LAG3: variants seen among roughly 807,000 people sequenced by gnomAD.
The protein encoded by LAG3 is lymphocyte activating 3.
A neutral mutation model predicts 49.0 loss-of-function variants in LAG3; 29 were observed. That is an observed-to-expected ratio of 0.59 (90% CI 0.44 to 0.81). The LOEUF (loss-of-function observed/expected upper bound fraction) is 0.81, where lower values mean the gene tolerates loss of function less well. LAG3 is among the 30% of genes least tolerant of loss of function. LAG3 has a pLI of 0.00. For missense variants in LAG3, 693 were observed against 695.2 expected, an observed-to-expected ratio of 1.00 and a Z score of 0.04; for synonymous variants, 320 against 297.3, an observed-to-expected ratio of 1.08 and a Z score of -0.79.
chr12:6,778,336 G>A lies in LAG3; in HGVS notation c.1524G>A (p.Pro508=), dbSNP rs925385268. The change falls in exon 8 of 8, where the codon CCG becomes CCA. Residue 508 remains proline (P), a synonymous_variant. Coordinates refer to ENST00000203629, the MANE Select transcript of LAG3 (RefSeq NM_002286.6). ...KIEELEQEPE[P]EPEPEPEPEP... Reference sequence around the variant, plus strand: ...AGGAGCTGGAGCAAGAACCGGAGCCGGAGCCGGAGCCGGAACCGGAGCCCG... The same window carrying A: ...AGGAGCTGGAGCAAGAACCGGAGCCAGAGCCGGAGCCGGAACCGGAGCCCG... 23 of 1,612,914 alleles carry A rather than the reference G, an allele frequency of 1.4e-5. No individual in the cohort carries two copies. Among genetic ancestry groups the A allele is most frequent in the Middle Eastern group, 1.6e-4 (1 of 6,076 alleles).
rs765598885 is a variant in LAG3 at position 6,773,144 on chromosome 12, CCT to C, written c.59-44_59-43del. The C allele has an allele frequency of 6.4e-7, 1 of 1,569,192 alleles. No homozygotes were observed. Among genetic ancestry groups the C allele is most frequent in the Non-Finnish European group, 8.6e-7 (1 of 1,160,090 alleles). ...CACCCAGGCTCCTTCTCTACCCCTG[CCT>C]CTCGGCTCACGCCCCCTCCCCTTGG... On this transcript the variant is annotated intron_variant, in intron 1 of 7. Transcript: ENST00000203629. This position sits in a 1 kb window ranked among gnomAD's most constrained non-coding sequence, Gnocchi z 5.5.
At position 6,778,325 on chromosome 12, in the gene LAG3, G is replaced by A. The variant is rs1941931611; in HGVS notation, c.1513G>A (p.Glu505Lys). The change falls in exon 8 of 8, where the codon GAA (glutamate) becomes AAA (lysine). Residue 505 changes from glutamate to lysine, a missense_variant. Physicochemically the swap from Glu to Lys is moderately conservative, Grantham distance 56. Transcript: ENST00000203629. The part of the protein sequence containing the change: ...AQSKIEELEQ[E>K]PEPEPEPEPE... ...GAGCAAGATAGAGGAGCTGGAGCAAGAACCGGAGCCGGAGCCGGAGCCGGA... is the reference window on the plus strand; with the variant it reads ...GAGCAAGATAGAGGAGCTGGAGCAAAAACCGGAGCCGGAGCCGGAGCCGGA... 6.2e-7 allele frequency: 1 copy of A among 1,613,422 alleles called. No individual in the cohort carries two copies. Among genetic ancestry groups the A allele is most frequent in the Admixed American group, 1.7e-5 (1 of 59,980 alleles).
At chr12:6,778,166 C>T (rs2137811838) in intron 7 of LAG3, 78 bp from the exon 8 acceptor site, 3 of 1,414,300 alleles carry the variant, frequency 2.1e-6, no homozygotes, top group East Asian at 2.5e-5. Context: ...TAGAGGGACT[C>T]AGTGTCCCTC....
At chr12:6,774,288 A>T (rs1592495879) in intron 3 of LAG3, among the ~76,000 whole-genome samples, 1 of 151,942 alleles carries the variant, frequency 6.6e-6, no homozygotes, top group Non-Finnish European at 1.5e-5. Flanking sequence ...GGCTAAAGTG[A>T]TTCATTTCAG....
At chr12:6,776,593 C>T (rs976684082) in intron 5 of LAG3, among the ~76,000 whole-genome samples, 13 of 152,188 alleles carry the variant, frequency 8.5e-5, no homozygotes, top group South Asian at 2.1e-4. Flanking sequence ...TCTCCTCCCA[C>T]CCACCCATCT....
In LAG3 at chr12:6,773,156, C is replaced by G. The variant is rs372422059; in HGVS notation, c.59-36C>G. 6.3e-7 allele frequency: 1 copy of G among 1,584,190 alleles called. No individual in the cohort carries two copies. Among genetic ancestry groups the G allele is most frequent in the Non-Finnish European group, 8.6e-7 (1 of 1,167,350 alleles). On this transcript the variant is annotated intron_variant, in intron 1 of 7. Transcript: ENST00000203629. The surrounding 1 kb of genome is among the most constrained non-coding windows in gnomAD (Gnocchi z 5.5). ...TTCTCTACCCCTGCCTCTCGGCTCA[C>G]GCCCCCTCCCCTTGGCCTCTCTTTT...
rs1941865986 is a variant in LAG3, at chr12:6,773,423, G to GA, written c.206+85dup. ...GTGCCGGTCCTCTGTCCCCTGCCCT[G>GA]AGGTGTCACTCCCTCTGAAGCCAGT... On this transcript the variant is annotated intron_variant, in intron 2 of 7. Transcript: ENST00000203629. This position sits in a 1 kb window ranked among gnomAD's most constrained non-coding sequence, Gnocchi z 5.5. The GA allele has an allele frequency of 6.6e-7, 1 of 1,505,138 alleles. No homozygotes were observed. 93.2% of individuals were successfully genotyped at this position (1,505,138 alleles called of 1,614,324 possible). A position where few individuals can be genotyped will look rare whatever the true frequency, so the allele number is the denominator to read the frequency against.
At position 6,773,568 on chromosome 12, in the gene LAG3, C is replaced by T; in HGVS notation, c.207-129C>T. 8.4e-7 allele frequency: 1 copy of T among 1,190,492 alleles called. No homozygotes were observed. Among genetic ancestry groups the T allele is most frequent in the Non-Finnish European group, 1.1e-6 (1 of 908,688 alleles). 73.7% of individuals were successfully genotyped at this position (1,190,492 alleles called of 1,614,324 possible). A position where few individuals can be genotyped will look rare whatever the true frequency, so the allele number is the denominator to read the frequency against. ...CGGCCAGTCCAACAGAGGGGTCGGG[C>T]GTGAGGGGACGGTTGGTGGTCAAGA... On this transcript the variant is annotated intron_variant, in intron 2 of 7. Transcript: ENST00000203629. This position sits in a 1 kb window ranked among gnomAD's most constrained non-coding sequence, Gnocchi z 5.5.
chr12:6,774,843 A>G lies in LAG3; in HGVS notation c.760A>G (p.Met254Val), dbSNP rs1941887819. The stretch of plus-strand genomic sequence containing the variant: ...CAGAGATGGCTTCAACGTCTCCATC[A>G]TGTATAACCTCACTGTTCTGGGTAA... ...TYRDGFNVSIMYNLTVLGLEP... is the reference protein window; with the variant it reads ...TYRDGFNVSIVYNLTVLGLEP... The change falls in exon 4 of 8, where the codon ATG (methionine) becomes GTG (valine). Residue 254 changes from methionine (M) to valine (V), a missense_variant. Coordinates refer to ENST00000203629, the MANE Select transcript of LAG3 (RefSeq NM_002286.6). The G allele has an allele frequency of 6.2e-7, 1 of 1,613,908 alleles. No individual in the cohort carries two copies. The highest frequency in any genetic ancestry group is 1.1e-5 in the South Asian group (1 of 91,084).
At position 6,773,901 on chromosome 12, in the gene LAG3, C is replaced by A; in HGVS notation, c.411C>A (p.Arg137=). 2 of 1,384,750 alleles carry A rather than the reference C, an allele frequency of 1.4e-6. No individual in the cohort carries two copies. The highest frequency in any genetic ancestry group is 1.6e-5 in the South Asian group (1 of 62,054). 85.8% of individuals were successfully genotyped at this position (1,384,750 alleles called of 1,614,324 possible). A position where few individuals can be genotyped will look rare whatever the true frequency, so the allele number is the denominator to read the frequency against. Residue 137 remains arginine (R), a synonymous_variant, in exon 3 of 8, where the codon CGC becomes CGA. Coordinates refer to ENST00000203629, the MANE Select transcript of LAG3 (RefSeq NM_002286.6). The surrounding 1 kb of genome is among the most constrained non-coding windows in gnomAD (Gnocchi z 5.5). Reference sequence around the variant, plus strand: ...GCGGGGACTTCTCGCTATGGCTGCGCCCAGCCCGGCGCGCGGACGCCGGCG... The same window carrying A: ...GCGGGGACTTCTCGCTATGGCTGCGACCAGCCCGGCGCGCGGACGCCGGCG... ...RQRGDFSLWL[R]PARRADAGEY...
rs551224486 is a variant in LAG3, at chr12:6,772,534, C to T, written c.-319C>T. Reference sequence around the variant, plus strand: ...GGTGAAGGCCCAGAGACCAGCAGAACGGCATCCCAGCCACGACGGCCACTT... The same window carrying T: ...GGTGAAGGCCCAGAGACCAGCAGAATGGCATCCCAGCCACGACGGCCACTT... On this transcript the variant is annotated 5_prime_UTR_variant, in exon 1 of 8. In the 5' UTR this introduces an upstream ATG that the reference lacks. Transcript: ENST00000203629. 5 of 307,864 alleles carry T rather than the reference C, an allele frequency of 1.6e-5. No homozygotes were observed. Among genetic ancestry groups the T allele is most frequent in the Non-Finnish European group, 2.4e-5 (4 of 166,202 alleles). The allele number at this position is 307,864 out of a possible 1,614,324, so 19.1% of individuals were successfully genotyped here.
intron 4 of LAG3, 31 bp from the exon 5 acceptor site, chr12:6,775,242 G>A: frequency 6.2e-7 from 1 of 1,600,306 alleles, no homozygotes; most frequent in Non-Finnish European, 8.5e-7. Context: ...GCAGCACCCA[G>A]CTTTAACTTT....
chr12:6,774,076 G>T (rs766175217), intron 3 of LAG3, 75 bp downstream of exon 3: 93 of 1,366,776 alleles, frequency 6.8e-5, no homozygotes, highest in Non-Finnish European at 8.4e-5. Flanking sequence ...CGCAGGAAGG[G>T]CTGGGGCAGA....
chr12:6,773,935 G>A lies in LAG3; in HGVS notation c.445G>A (p.Ala149Thr). The part of the protein sequence containing the change: ...ARRADAGEYR[A>T]AVHLRDRALS... ...GCGCGCGGACGCCGGCGAGTACCGC[G>A]CCGCGGTGCACCTCAGGGACCGCGC... The change falls in exon 3 of 8, where the codon GCC becomes ACC. Residue 149 changes from alanine to threonine, a missense_variant. Coordinates refer to ENST00000203629, the MANE Select transcript of LAG3 (RefSeq NM_002286.6). This position sits in a 1 kb window ranked among gnomAD's most constrained non-coding sequence, Gnocchi z 5.5. The A allele has an allele frequency of 1.4e-6, 2 of 1,404,052 alleles. No individual in the cohort carries two copies. The highest frequency in any genetic ancestry group is 1.5e-5 in the South Asian group (1 of 65,580). The allele number at this position is 1,404,052 out of a possible 1,614,324, so 87.0% of individuals were successfully genotyped here.
chr12:6,772,665 T>TTCCG lies in LAG3; in HGVS notation c.-187_-184dup. 1 of 506,744 alleles carries TTCCG rather than the reference T, an allele frequency of 2.0e-6. No homozygotes were observed. 31.4% of individuals were successfully genotyped at this position (506,744 alleles called of 1,614,324 possible). On this transcript the variant is annotated 5_prime_UTR_variant, in exon 1 of 8. Coordinates refer to ENST00000203629, the MANE Select transcript of LAG3 (RefSeq NM_002286.6). ...CCCAGCTTTCCAGCTTTCCTCTGGATTCCGGCCTCTGGTCATCCCTCCCCA... is the reference window on the plus strand; with the variant it reads ...CCCAGCTTTCCAGCTTTCCTCTGGATTCCGTCCGGCCTCTGGTCATCCCTCCCCA...
At position 6,773,253 on chromosome 12, in the gene LAG3, C is replaced by T; in HGVS notation, c.120C>T (p.Ala40=). 6.2e-7 allele frequency: 1 copy of T among 1,613,264 alleles called. No homozygotes were observed. Among genetic ancestry groups the T allele is most frequent in the South Asian group, 1.1e-5 (1 of 91,054 alleles). ...TGTGGGCCCAGGAGGGGGCTCCTGC[C>T]CAGCTCCCCTGCAGCCCCACAATCC... The part of the protein sequence containing the change: ...PVVWAQEGAP[A]QLPCSPTIPL... The change falls in exon 2 of 8, where the codon GCC becomes GCT. Residue 40 remains alanine (A), a synonymous_variant. Transcript: ENST00000203629. This position sits in a 1 kb window ranked among gnomAD's most constrained non-coding sequence, Gnocchi z 5.5.
chr12:6,772,706 C>T lies in LAG3; in HGVS notation c.-147C>T. On this transcript the variant is annotated 5_prime_UTR_variant, in exon 1 of 8. Transcript: ENST00000203629. ...TCCCTCCCCACCCTCTCTCCAAGGC[C>T]CTCTCCTGGTCTCCCTTCTTCTAGA... 1.6e-6 allele frequency: 1 copy of T among 638,866 alleles called. No homozygotes were observed. Among genetic ancestry groups the T allele is most frequent in the Non-Finnish European group, 2.7e-6 (1 of 366,296 alleles). The allele number at this position is 638,866 out of a possible 1,614,324, so 39.6% of individuals were successfully genotyped here. A position where few individuals can be genotyped will look rare whatever the true frequency, so the allele number is the denominator to read the frequency against.
chr12:6,775,513 A>T lies in LAG3; in HGVS notation c.1022A>T (p.Gln341Leu). ...YTCHIHLQEQ[Q>L]LNATVTLAII... ...TGCCATATCCATCTGCAGGAACAGCAGCTCAATGCCACTGTCACATTGGCA... is the reference window on the plus strand; with the variant it reads ...TGCCATATCCATCTGCAGGAACAGCTGCTCAATGCCACTGTCACATTGGCA... Residue 341 changes from glutamine (Q) to leucine (L), a missense_variant, in exon 5 of 8, where the codon CAG (glutamine) becomes CTG (leucine). Transcript: ENST00000203629. 1 of 1,614,248 alleles carries T rather than the reference A, an allele frequency of 6.2e-7. No homozygotes were observed. The highest frequency in any genetic ancestry group is 8.5e-7 in the Non-Finnish European group (1 of 1,180,038).
Position 6,774,588 on chromosome 12 carries a change from T to G in LAG3, c.512-7T>G, listed in dbSNP as rs200955769. 4 of 1,612,322 alleles carry G rather than the reference T, an allele frequency of 2.5e-6. No individual in the cohort carries two copies. Among genetic ancestry groups the G allele is most frequent in the Non-Finnish European group, 2.5e-6 (3 of 1,179,056 alleles). ...GGGCTGATGAAGTCTTCTTTATCCT[T>G]GCACAGTGACTGCCAGCCCCCCAGG... is the stretch of plus-strand genomic sequence containing the variant. On this transcript the variant is annotated splice_polypyrimidine_tract_variant and splice_region_variant and intron_variant, in intron 3 of 7. Transcript: ENST00000203629.
Sources: gnomAD v4.1 joint callset for allele counts (sites outside exome capture counted in the v4.1 genomes callset) on GRCh38, gnomAD v4.1.1 for gene constraint, Gnocchi (gnomAD v3.1) non-coding constraint, MANE v1.5 for transcripts, NCBI Gene and HGNC (gene_info 2026-07-23, HGNC 2026-07-21) for gene names.